RYR2: variants seen among roughly 807,000 people sequenced by gnomAD.
The protein encoded by RYR2 is ryanodine receptor 2.
RYR2 carries 227 observed loss-of-function variants against 601.1 expected under a neutral mutation model. That is an observed-to-expected ratio of 0.38 (90% confidence interval 0.34 to 0.42). The LOEUF is 0.42. Among genes scored for constraint, RYR2 ranks in the 10% least tolerant of loss-of-function variants. RYR2 has a pLI of 1.00. For missense variants in RYR2, 4,646 were observed against 6,156.5 expected (o/e 0.75, Z 8.21); for synonymous variants, 2,223 against 2,175.1 (o/e 1.02, Z -0.61).
At chr1:237,371,719 G>T (rs2149767745) in intron 6 of RYR2, among the ~76,000 whole-genome samples, 1 of 152,280 alleles carries the variant, frequency 6.6e-6, no homozygotes, top group South Asian at 2.1e-4. Flanking sequence ...ATGCAGCCAT[G>T]AAAAAGGATG....
At chr1:237,331,793 C>T (rs182914195) in intron 3 of RYR2, among the ~76,000 whole-genome samples, 26 of 152,000 alleles carry the variant, frequency 1.7e-4, no homozygotes, top group South Asian at 4.2e-4. Flanking sequence ...GGATTACAGG[C>T]GTGAGCCACC....
intron 1 of RYR2, among the ~76,000 whole-genome samples, chr1:237,228,531 TG>T (rs1684643873): frequency 6.6e-6 from 1 of 152,194 alleles, no homozygotes; most frequent in Non-Finnish European, 1.5e-5. Flanking sequence ...CTGGTTTCCT[TG>T]TAGGTCCTTT....
rs567732663 is a variant in RYR2, at chr1:237,301,894, A to C, written c.169-28984A>C. Among the ~76,000 whole-genome samples the C allele has an allele frequency of 1.8e-3, 278 of 152,318 alleles. 1 individual carries two copies. Among genetic ancestry groups the C allele is most frequent in the African/African-American group, 6.3e-3 (262 of 41,574 alleles). On this transcript the variant is annotated intron_variant, in intron 2 of 104. Coordinates refer to ENST00000366574, the MANE Select transcript of RYR2 (RefSeq NM_001035.3). The stretch of plus-strand genomic sequence containing the variant: ...TGACCCTATTTGTCTATCCAGAGTT[A>C]AAGTGCGTGTGATAAAACCAGTAGC...
At position 237,722,821 on chromosome 1, in the gene RYR2, G is replaced by T. The variant is rs373031124; in HGVS notation, c.10555-307G>T. On this transcript the variant is annotated intron_variant, in intron 73 of 104. Coordinates refer to ENST00000366574, the MANE Select transcript of RYR2 (RefSeq NM_001035.3). ...TAAGCATAGTCACATGATTAGTGTA[G>T]TCAGACAAATTAGCATATCTATCTC... Among the ~76,000 whole-genome samples the T allele has an allele frequency of 5.3e-5, 8 of 152,296 alleles. No homozygotes were observed. In the East Asian group the frequency reaches 1.5e-3, roughly 29 times the overall value.
At chr1:237,805,446 T>C (rs967560653) in intron 98 of RYR2, among the ~76,000 whole-genome samples, 1 of 151,852 alleles carries the variant, frequency 6.6e-6, no homozygotes, top group African/African-American at 2.4e-5. Context: ...CCGGGCGTGG[T>C]GGCGGACGCT....
At chr1:237,442,459 G>C (rs751789720) in intron 13 of RYR2, among the ~76,000 whole-genome samples, 17 of 151,884 alleles carry the variant, frequency 1.1e-4, no homozygotes, top group East Asian at 1.9e-4. Flanking sequence ...TCTTTTCTCT[G>C]TGTGTGTGTA....
At chr1:237,377,711 G>A (rs1701156128) in intron 8 of RYR2, among the ~76,000 whole-genome samples, 1 of 152,094 alleles carries the variant, frequency 6.6e-6, no homozygotes, top group Non-Finnish European at 1.5e-5. Flanking sequence ...TTACTTTATT[G>A]ATAGAATGTA....
intron 101 of RYR2, among the ~76,000 whole-genome samples, chr1:237,824,206 C>A (rs909524714): frequency 2.6e-5 from 4 of 152,108 alleles, no homozygotes; most frequent in Non-Finnish European, 5.9e-5. Context: ...ATACCAAAAC[C>A]CGGCAGAGAC....
chr1:237,749,072 G>C (rs185587881), intron 80 of RYR2, among the ~76,000 whole-genome samples: 7 of 152,352 alleles, frequency 4.6e-5, no homozygotes, highest in African/African-American at 1.7e-4. Context: ...GTCCCCCACA[G>C]ATACTAGGAG....
At chr1:237,149,376 A>G (rs1326173263) in intron 1 of RYR2, among the ~76,000 whole-genome samples, 2 of 152,222 alleles carry the variant, frequency 1.3e-5, no homozygotes, top group South Asian at 4.1e-4. Flanking sequence ...AGAAAATTTT[A>G]AAGGAGGTAG....
chr1:237,556,880 CAAAAAAAAAAAAAAAA>C (rs869116177), intron 27 of RYR2, among the ~76,000 whole-genome samples: 1 of 77,840 alleles, frequency 1.3e-5, no homozygotes, highest in African/African-American at 5.6e-5. Context: ...TCCCTCCCAC[CAAAAAAAAAAAAAAAA>C]AAAAAAAAAA....
rs1332289169 is a variant in RYR2, at chr1:237,369,631, C to G, written c.384+23C>G. Reference sequence around the variant, plus strand: ...ATGGTGAGTAGGCATTTGATTTCATCTCCCTGTGGTCATGCTGATCCATTT... The same window carrying G: ...ATGGTGAGTAGGCATTTGATTTCATGTCCCTGTGGTCATGCTGATCCATTT... On this transcript the variant is annotated intron_variant, in intron 6 of 104. Transcript: ENST00000366574. 8 of 1,546,948 alleles carry G rather than the reference C, an allele frequency of 5.2e-6. No individual in the cohort carries two copies. In the South Asian group the frequency reaches 9.5e-5, roughly 18 times the overall value.
chr1:237,396,386 T>A lies in RYR2; in HGVS notation c.773+8203T>A, dbSNP rs543094407. Reference sequence around the variant, plus strand: ...GAATCTGAACGTTGATAACAGTGATTTAAAACAAAAGCATTTTTGGGGTTG... The same window carrying A: ...GAATCTGAACGTTGATAACAGTGATATAAAACAAAAGCATTTTTGGGGTTG... On this transcript the variant is annotated intron_variant, in intron 10 of 104. Transcript: ENST00000366574. Among the ~76,000 whole-genome samples the A allele has an allele frequency of 2.0e-5, 3 of 152,336 alleles. No homozygotes were observed. The South Asian group carries it at 6.2e-4, about 32-fold the overall frequency.
At chr1:237,056,833 T>C (rs1275491771) in intron 1 of RYR2, among the ~76,000 whole-genome samples, 1 of 152,166 alleles carries the variant, frequency 6.6e-6, no homozygotes, top group Non-Finnish European at 1.5e-5. Context: ...GCATTGCATC[T>C]GTGAGCCAAG....
chr1:237,451,972 G>GTGTGTGTA (rs1242471003), intron 14 of RYR2, among the ~76,000 whole-genome samples: 4 of 98,808 alleles, frequency 4.0e-5, no homozygotes, highest in Non-Finnish European at 7.5e-5. Flanking sequence ...TGGTAGTACT[G>GTGTGTGTA]TGTGTGTATG....
chr1:237,730,729 G>A (rs1049711174), intron 77 of RYR2, among the ~76,000 whole-genome samples: 1 of 152,102 alleles, frequency 6.6e-6, no homozygotes, highest in Non-Finnish European at 1.5e-5. Flanking sequence ...AGTAGAAGGT[G>A]AACAAAAAAT....
intron 1 of RYR2, among the ~76,000 whole-genome samples, chr1:237,167,628 A>G (rs1676857161): frequency 6.6e-6 from 1 of 151,334 alleles, no homozygotes; most frequent in Non-Finnish European, 1.5e-5. Flanking sequence ...TTGGAAGTTG[A>G]TATTTCAAAA....
At chr1:237,489,376 G>A (rs1023745607) in intron 17 of RYR2, among the ~76,000 whole-genome samples, 1 of 152,170 alleles carries the variant, frequency 6.6e-6, no homozygotes, top group Non-Finnish European at 1.5e-5. Flanking sequence ...AAAAAGTCAG[G>A]CTGGGCACGG....
intron 1 of RYR2, among the ~76,000 whole-genome samples, chr1:237,178,940 C>T (rs931891195): frequency 6.6e-6 from 1 of 152,128 alleles, no homozygotes; most frequent in Non-Finnish European, 1.5e-5. Context: ...AATATATAAA[C>T]TACTATCCTA....
Sources: allele counts gnomAD v4.1 joint callset (sites outside exome capture counted in the v4.1 genomes callset), GRCh38; gene constraint gnomAD v4.1.1; transcripts MANE v1.5; gene names NCBI Gene and HGNC (gene_info 2026-07-23, HGNC 2026-07-21).